ARHGEF9: variants seen among roughly 807,000 people sequenced by gnomAD.
ARHGEF9 encodes Cdc42 guanine nucleotide exchange factor 9.
In ARHGEF9, 2 loss-of-function variants were observed where a neutral mutation model predicts 41.3. The observed-to-expected ratio is 0.05, with a 90% CI of 0.02 to 0.15. The LOEUF (loss-of-function observed/expected upper bound fraction) is 0.15. Among genes scored for constraint, ARHGEF9 ranks in the 10% least tolerant of loss-of-function variants. ARHGEF9 has a pLI of 1.00. For synonymous variants in ARHGEF9, 160 were observed against 154.4 expected (o/e 1.04, Z -0.27); for missense variants, 225 against 424.7 (o/e 0.53, Z 4.13).
chrX:63,773,528 A>G (rs4996552), intron 1 of ARHGEF9, among the ~76,000 whole-genome samples: 1 of 112,169 alleles, frequency 8.9e-6, no homozygotes, highest in East Asian at 2.8e-4. Context: ...ATCTATACCT[A>G]CTCAATCATC....
intron 5 of ARHGEF9, among the ~76,000 whole-genome samples, chrX:63,675,978 T>A (rs2050238353): frequency 8.9e-6 from 1 of 111,971 alleles, no homozygotes; most frequent in South Asian, 3.7e-4. Context: ...TACCATTTTT[T>A]AAAAAAGGAA....
chrX:63,646,240 C>T (rs1233428830), intron 8 of ARHGEF9, among the ~76,000 whole-genome samples: 2 of 111,896 alleles, frequency 1.8e-5, no homozygotes, highest in Non-Finnish European at 3.8e-5. Flanking sequence ...TTCATTAGAT[C>T]TCATTTGTCA....
intron 4 of ARHGEF9, among the ~76,000 whole-genome samples, chrX:63,689,867 C>T (rs782373282): frequency 9.0e-6 from 1 of 111,327 alleles, no homozygotes; most frequent in African/African-American, 3.2e-5. Flanking sequence ...ACAAATACAC[C>T]GAAATTAAAT....
intron 6 of ARHGEF9, 58 bp downstream of exon 6, chrX:63,673,980 G>A: frequency 8.4e-7 from 1 of 1,190,917 alleles, no homozygotes; most frequent in Non-Finnish European, 1.1e-6. Context: ...TAGCTAAGAT[G>A]GGAAGCTTTT....
intron 1 of ARHGEF9, among the ~76,000 whole-genome samples, chrX:63,744,950 T>TGCC (rs1556431823): frequency 8.9e-6 from 1 of 111,779 alleles, no homozygotes. Context: ...CTCCTAGAGA[T>TGCC]GCCTAGCTCC....
rs1467296631 is a variant in ARHGEF9, at chrX:63,741,348, G to T, written c.31-16637C>A. ...CATCCATTTTATTACTGAGCATACT[G>T]CCCTCTCAAGTCTAATTTCAAGGTT... On this transcript the variant is annotated intron_variant, in intron 1 of 9. Transcript: ENST00000671741. 4.5e-5 allele frequency among the ~76,000 whole-genome samples: 5 copies of T among 112,356 alleles called. No individual in the cohort carries two copies. The East Asian group carries it at 1.1e-3, about 25-fold the overall frequency.
At chrX:63,705,166 A>G (rs1357755609) in intron 3 of ARHGEF9, among the ~76,000 whole-genome samples, 4 of 112,092 alleles carry the variant, frequency 3.6e-5, no homozygotes, top group Non-Finnish European at 7.5e-5. Flanking sequence ...TCATCATTGC[A>G]GGAAGTTCCA....
intron 1 of ARHGEF9, among the ~76,000 whole-genome samples, chrX:63,760,718 A>C (rs1196358880): frequency 2.7e-5 from 3 of 111,930 alleles, no homozygotes; most frequent in African/African-American, 9.7e-5. Context: ...GAGGAGGAGA[A>C]GGAAACACCT....
intron 1 of ARHGEF9, among the ~76,000 whole-genome samples, chrX:63,782,644 T>C (rs1358206596): frequency 8.9e-6 from 1 of 112,612 alleles, no homozygotes. Flanking sequence ...CTCACTGTTA[T>C]AAAAAGCTCA....
chrX:63,698,119 A>ATATATT (rs1443297444), intron 3 of ARHGEF9, among the ~76,000 whole-genome samples: 1 of 106,095 alleles, frequency 9.4e-6, no homozygotes, highest in African/African-American at 3.4e-5. Context: ...TTATATATAT[A>ATATATT]TATATAAATT....
At chrX:63,749,519 C>T (rs1453413036) in intron 1 of ARHGEF9, among the ~76,000 whole-genome samples, 2 of 112,501 alleles carry the variant, frequency 1.8e-5, no homozygotes, top group African/African-American at 6.5e-5. Context: ...GCGTGAGCCA[C>T]CACGTCAGGC....
intron 1 of ARHGEF9, among the ~76,000 whole-genome samples, chrX:63,744,552 A>G (rs2055153700): frequency 8.9e-6 from 1 of 112,423 alleles, no homozygotes; most frequent in South Asian, 3.7e-4. Context: ...CCAGGCTAGA[A>G]GCAGCTATGT....
chrX:63,649,640 T>G (rs1286892951), intron 8 of ARHGEF9, among the ~76,000 whole-genome samples: 8 of 111,181 alleles, frequency 7.2e-5, no homozygotes, highest in Non-Finnish European at 1.5e-4. Context: ...AAAAAATCAA[T>G]GAATCCAGGA....
In ARHGEF9 at chrX:63,678,423, A is replaced by T. The variant is rs1322872780; in HGVS notation, c.732T>A (p.Gly244=). 1.4e-5 allele frequency: 17 copies of T among 1,205,316 alleles called. 1 individual carries two copies. Among genetic ancestry groups the T allele is most frequent in the Admixed American group, 8.8e-5 (4 of 45,297 alleles). The part of the protein sequence containing the change: ...LQQMIDIAID[G]FLLTPVQKIC... ...TCTTCTGCACTGGAGTCAAAAGGAA[A>T]CCATCGATAGCAATGTCAATCATCT... The change falls in exon 5 of 10, where the codon GGT becomes GGA. Residue 244 remains glycine (G), a synonymous_variant. Coordinates refer to ENST00000671741, the MANE Select transcript of ARHGEF9 (RefSeq NM_001353921.2).
At position 63,666,022 on chromosome X, in the gene ARHGEF9, G is replaced by A; in HGVS notation, c.946-5C>T. On this transcript the variant is annotated splice_region_variant and splice_polypyrimidine_tract_variant and intron_variant, in intron 6 of 9. Coordinates refer to ENST00000671741, the MANE Select transcript of ARHGEF9 (RefSeq NM_001353921.2). ...CCTGTCTAGGATGTCCTCGCCCTGG[G>A]AAGGACATGTGATGATGAGAGGCAG... 2 of 1,209,130 alleles carry A rather than the reference G, an allele frequency of 1.7e-6. No individual in the cohort carries two copies. The highest frequency in any genetic ancestry group is 2.2e-6 in the Non-Finnish European group (2 of 895,105).
At chrX:63,703,300 A>G (rs2052309801) in intron 3 of ARHGEF9, 1 of 112,162 alleles carries the variant, frequency 8.9e-6, no homozygotes, top group Non-Finnish European at 1.9e-5. Context: ...AAGACAAATA[A>G]CTTCCATTGC....
intron 2 of ARHGEF9, chrX:63,719,823 C>A: frequency 3.4e-6 from 1 of 295,815 alleles, no homozygotes. Context: ...AGAGGTTGAC[C>A]TCTGGCTGGA....
At chrX:63,706,227 G>C (rs1556401591) in intron 3 of ARHGEF9, 31 bp downstream of exon 3, 1 of 1,175,569 alleles carries the variant, frequency 8.5e-7, no homozygotes, top group Non-Finnish European at 1.1e-6. Flanking sequence ...GTTCTTCGTG[G>C]AAGTGCCTCC....
rs201482891 is a variant in ARHGEF9, at chrX:63,674,197, C to A, written c.816-30G>T. 2.3e-5 allele frequency: 28 copies of A among 1,204,674 alleles called. 1 individual carries two copies. The African/African-American group carries it at 3.9e-4, about 17-fold the overall frequency. Reference sequence around the variant, plus strand: ...GAAAACAAAAGAGTGCAAGTTGAACCAACCAATGTGCCAAAGAACCAATGT... The same window carrying A: ...GAAAACAAAAGAGTGCAAGTTGAACAAACCAATGTGCCAAAGAACCAATGT... On this transcript the variant is annotated intron_variant, in intron 5 of 9. Coordinates refer to ENST00000671741, the MANE Select transcript of ARHGEF9 (RefSeq NM_001353921.2).
Sources: allele counts gnomAD v4.1 joint callset (sites outside exome capture counted in the v4.1 genomes callset), GRCh38; gene constraint gnomAD v4.1.1; transcripts MANE v1.5; gene names NCBI Gene and HGNC (gene_info 2026-07-23, HGNC 2026-07-21).